The following DUSP18 variants were observed in gnomAD, a reference collection of about 807,000 sequenced individuals.
DUSP18 encodes dual specificity protein phosphatase 18.
Under a neutral mutation model 6.3 loss-of-function variants are expected in DUSP18, and 4 were observed. The ratio of observed to expected loss-of-function variants is 0.63; its 90% CI spans 0.31 to 1.45. The LOEUF is 1.45. Among genes scored for constraint, DUSP18 ranks in the 40% most tolerant of loss-of-function variants. The pLI is 0.07. For synonymous variants in DUSP18, 96 were observed against 95.1 expected (o/e 1.01, Z -0.05); for missense variants, 235 against 247.7 (o/e 0.95, Z 0.34).
intron 1 of DUSP18, chr22:30,665,385 C>T (rs938906752): frequency 2.8e-6 from 1 of 352,478 alleles, no homozygotes; most frequent in Non-Finnish European, 5.8e-6. Flanking sequence ...TCTGAAGGGC[C>T]TCAGGTGAAC....
At chr22:30,665,986 G>GT (rs1253122525) in intron 1 of DUSP18, among the ~76,000 whole-genome samples, 1 of 152,158 alleles carries the variant, frequency 6.6e-6, no homozygotes, top group Non-Finnish European at 1.5e-5. Flanking sequence ...AAAGACCAAA[G>GT]GTTGTATAGG....
At position 30,663,549 on chromosome 22, in the gene DUSP18, A is replaced by G. The variant is rs1352587995; in HGVS notation, c.455T>C (p.Ile152Thr). 8.1e-6 allele frequency: 13 copies of G among 1,614,102 alleles called. No homozygotes were observed. The highest frequency in any genetic ancestry group is 1.0e-5 in the Non-Finnish European group (12 of 1,180,050). ...GCCAAACAATTGGAACTCATAGTGG[A>G]TGAGCTGCTCCCAAAAGCCGCTGTT... is the stretch of plus-strand genomic sequence containing the variant. ...RPNSGFWEQL[I>T]HYEFQLFGKN... is the part of the protein sequence containing the mutation. The change falls in exon 2 of 2, where the codon ATC becomes ACC. Residue 152 changes from isoleucine (I) to threonine (T), a missense_variant. Ile to Thr is a moderately conservative substitution (Grantham distance 89, BLOSUM62 -1). Transcript: ENST00000334679.
chr22:30,656,916 AC>A (rs1244068356), downstream of DUSP18, among the ~76,000 whole-genome samples: 1 of 152,142 alleles, frequency 6.6e-6, no homozygotes, highest in Non-Finnish European at 1.5e-5. Context: ...GGAGTTCGAG[AC>A]CAGCCTGGTC....
At chr22:30,657,928 AAT>A, downstream of DUSP18, among the ~76,000 whole-genome samples, 2 of 146,240 alleles carry the variant, frequency 1.4e-5, no homozygotes, top group East Asian at 4.0e-4. Flanking sequence ...TAATAATAAT[AAT>A]AATAATAATA....
At chr22:30,661,444 C>CTTTTTTTTTTTT (rs56242112), downstream of DUSP18, 182 of 136,434 alleles carry the variant, frequency 1.3e-3, no homozygotes, top group Non-Finnish European at 2.0e-3. Flanking sequence ...TTTTCTTTTT[C>CTTTTTTTTTTTT]TTTTTTTTTT....
downstream of DUSP18, among the ~76,000 whole-genome samples, chr22:30,657,126 C>T (rs1188506024): frequency 2.6e-5 from 4 of 151,964 alleles, no homozygotes; most frequent in East Asian, 1.9e-4. Flanking sequence ...CCTTTTTCTA[C>T]GAATAAGCAT....
intron 1 of DUSP18, among the ~76,000 whole-genome samples, chr22:30,664,285 T>C (rs1279725966): frequency 6.6e-6 from 1 of 152,154 alleles, no homozygotes; most frequent in African/African-American, 2.4e-5. Context: ...GTGAAGAGCA[T>C]GAATCTGCAT....
rs1012652190 is a variant in DUSP18, at chr22:30,662,558, C to T, written c.*879G>A. 6.6e-6 allele frequency: 1 copy of T among 151,972 alleles called. No homozygotes were observed. Among genetic ancestry groups the T allele is most frequent in the Non-Finnish European group, 1.5e-5 (1 of 68,016 alleles). 9.4% of individuals were successfully genotyped at this position (151,972 alleles called of 1,614,324 possible). ...TTTTAAATTTTTTATACAGTGGTAT[C>T]GGGGTACAGTGGCTCATCAACACTT... On this transcript the variant is annotated 3_prime_UTR_variant, in exon 2 of 2. Coordinates refer to ENST00000334679, the MANE Select transcript of DUSP18 (RefSeq NM_152511.5).
In DUSP18 at chr22:30,662,574, A is replaced by G. The variant is rs553355078; in HGVS notation, c.*863T>C. ...CAGTGGTATCGGGGTACAGTGGCTC[A>G]TCAACACTTTGGGAGGCTGAGGCGT... On this transcript the variant is annotated 3_prime_UTR_variant, in exon 2 of 2. Transcript: ENST00000334679. 3.3e-5 allele frequency: 5 copies of G among 152,256 alleles called. No homozygotes were observed. In the South Asian group the frequency reaches 1.0e-3, roughly 32 times the overall value. 9.4% of individuals were successfully genotyped at this position (152,256 alleles called of 1,614,324 possible). A position where few individuals can be genotyped will look rare whatever the true frequency, so the allele number is the denominator to read the frequency against.
At chr22:30,661,430 T>C (rs1048779630), downstream of DUSP18, 1 of 149,368 alleles carries the variant, frequency 6.7e-6, no homozygotes, top group South Asian at 2.1e-4. Context: ...CATTTCTTTT[T>C]TTCTTTTCTT....
chr22:30,652,363 A>C (rs1450805746), intron 2 of DUSP18: 1 of 152,236 alleles, frequency 6.6e-6, no homozygotes, highest in African/African-American at 2.4e-5. Flanking sequence ...TGCAGCCTCC[A>C]GCTGCATGAC....
At position 30,663,621 on chromosome 22, in the gene DUSP18, A is replaced by T. The variant is rs2088552029; in HGVS notation, c.383T>A (p.Leu128Gln). Residue 128 changes from leucine (L) to glutamine (Q), a missense_variant, in exon 2 of 2, where the codon CTG becomes CAG. By Grantham distance (113) the Leu-to-Gln change is moderately radical. Coordinates refer to ENST00000334679, the MANE Select transcript of DUSP18 (RefSeq NM_152511.5). ...TGACTTGGTCCACGTGTGGGCGTCC[A>T]GCAGGGACATGGCGTGGTACTTCAT... ...YLMKYHAMSL[L>Q]DAHTWTKSCR... 1 of 1,614,134 alleles carries T rather than the reference A, an allele frequency of 6.2e-7. No homozygotes were observed. Among genetic ancestry groups the T allele is most frequent in the African/African-American group, 1.3e-5 (1 of 74,952 alleles).
downstream of DUSP18, among the ~76,000 whole-genome samples, chr22:30,657,084 T>TGG (rs929150393): frequency 2.6e-5 from 4 of 152,150 alleles, no homozygotes; most frequent in African/African-American, 9.7e-5. Flanking sequence ...GTTACAACGA[T>TGG]GGGGATATTG....
downstream of DUSP18, among the ~76,000 whole-genome samples, chr22:30,656,913 G>A (rs558103309): frequency 2.0e-5 from 3 of 152,164 alleles, no homozygotes; most frequent in South Asian, 2.1e-4. Flanking sequence ...CCAGGAGTTC[G>A]AGACCAGCCT....
chr22:30,667,113 T>A (rs5749151), intron 1 of DUSP18: 47,609 of 152,058 alleles, frequency 0.31, 8,784 homozygotes, highest in East Asian at 0.63. Flanking sequence ...TATGAAGTAT[T>A]TGGCTTCCCT....
downstream of DUSP18, among the ~76,000 whole-genome samples, chr22:30,658,883 G>A (rs1017264465): frequency 2.3e-4 from 35 of 152,136 alleles, no homozygotes; most frequent in Non-Finnish European, 3.7e-4. Context: ...GGTGGCTCAC[G>A]CCTGTAATCC....
intron 1 of DUSP18, among the ~76,000 whole-genome samples, chr22:30,666,638 A>AAAAAG (rs1197768138): frequency 6.6e-6 from 1 of 151,204 alleles, no homozygotes; most frequent in African/African-American, 2.4e-5. Flanking sequence ...AAAAAAAAAA[A>AAAAAG]AAAAAAAAGC....
downstream of DUSP18, among the ~76,000 whole-genome samples, chr22:30,657,910 AATAATAAT>A (rs2088376318): frequency 2.0e-4 from 3 of 14,692 alleles, no homozygotes; most frequent in East Asian, 0.011. Flanking sequence ...TCTCAAAAAT[AATAATAAT>A]AATAATAATA....
intron 1 of DUSP18, chr22:30,664,925 C>T (rs1407909841): frequency 6.6e-6 from 1 of 152,558 alleles, no homozygotes; most frequent in Non-Finnish European, 1.5e-5. Context: ...TGAAACACAC[C>T]CCAGGGAGAG....
Sources: allele counts gnomAD v4.1 joint callset (sites outside exome capture counted in the v4.1 genomes callset), GRCh38; gene constraint gnomAD v4.1.1; transcripts MANE v1.5; gene names NCBI Gene and HGNC (gene_info 2026-07-23, HGNC 2026-07-21).